Variants in B4GALNT3 observed in about 807,000 individuals in gnomAD.
B4GALNT3 encodes the protein beta-1,4-N-acetyl-galactosaminyltransferase 3, also known as beta-1,4-N-acetylgalactosaminyltransferase 3.
In B4GALNT3, 86 loss-of-function variants were observed where a neutral mutation model predicts 120.2. The ratio of observed to expected loss-of-function variants is 0.72; its 90% CI spans 0.60 to 0.86. The LOEUF is 0.86. Ranked by LOEUF, B4GALNT3 falls within the 40% of genes least tolerant of loss-of-function variation. The probability of loss-of-function intolerance (pLI) is 0.00; values close to 1 mark genes in which losing one functional copy is unlikely to be tolerated. For synonymous variants in B4GALNT3, 518 were observed against 510.4 expected, an observed-to-expected ratio of 1.01 and a Z score of -0.20; for missense variants, 1,167 against 1,298.9, an observed-to-expected ratio of 0.90 and a Z score of 1.56.
intron 1 of B4GALNT3, among the ~76,000 whole-genome samples, chr12:495,984 A>T (rs941808917): frequency 7.2e-5 from 11 of 152,330 alleles, no homozygotes; most frequent in African/African-American, 2.6e-4. Context: ...ATAAAAGCAG[A>T]TTCACATCAT....
At chr12:469,802 ATTAT>A (rs1179090679) in intron 1 of B4GALNT3, among the ~76,000 whole-genome samples, 1 of 152,128 alleles carries the variant, frequency 6.6e-6, no homozygotes, top group Non-Finnish European at 1.5e-5. Flanking sequence ...CAGTTATCTC[ATTAT>A]TTATTTATTT....
intron 1 of B4GALNT3, among the ~76,000 whole-genome samples, chr12:526,343 G>C (rs1470598169): frequency 6.6e-6 from 1 of 152,188 alleles, no homozygotes; most frequent in Admixed American, 6.5e-5. Flanking sequence ...AAAGACTCCA[G>C]GGAGGAAAAG....
At chr12:487,882 C>G (rs1326119892) in intron 1 of B4GALNT3, among the ~76,000 whole-genome samples, 2 of 152,256 alleles carry the variant, frequency 1.3e-5, no homozygotes, top group Non-Finnish European at 2.9e-5. Flanking sequence ...GCCCAGGAGG[C>G]TGAGGCTGCA....
intron 3 of B4GALNT3, among the ~76,000 whole-genome samples, chr12:542,254 G>T (rs532781894): frequency 6.6e-6 from 1 of 152,084 alleles, no homozygotes; most frequent in African/African-American, 2.4e-5. Flanking sequence ...CGTCTTTCTG[G>T]ATCCAGCATT....
At chr12:477,294 A>G (rs1241449979) in intron 1 of B4GALNT3, among the ~76,000 whole-genome samples, 4 of 152,160 alleles carry the variant, frequency 2.6e-5, no homozygotes. Context: ...GTGCCTGCAT[A>G]TAGACCAACC....
At chr12:510,465 G>A (rs1946536471) in intron 1 of B4GALNT3, among the ~76,000 whole-genome samples, 1 of 113,364 alleles carries the variant, frequency 8.8e-6, no homozygotes, top group African/African-American at 2.9e-5. Flanking sequence ...GACGCTGGGG[G>A]GCTGGTCAGG....
intron 15 of B4GALNT3, 82 bp from the exon 16 acceptor site, chr12:557,526 C>T (rs1191998011): frequency 4.8e-6 from 7 of 1,468,878 alleles, no homozygotes; most frequent in Non-Finnish European, 6.5e-6. Context: ...CCTGACTCAC[C>T]TGGGAGCTGG....
At chr12:532,950 C>T (rs1397532006) in intron 1 of B4GALNT3, among the ~76,000 whole-genome samples, 10 of 152,206 alleles carry the variant, frequency 6.6e-5, no homozygotes, top group Admixed American at 6.5e-4. Context: ...ACCTGAGACG[C>T]ACTGTAACTC....
Position 548,133 on chromosome 12 carries a change from G to C in B4GALNT3, c.786+31G>C, listed in dbSNP as rs770754675. On this transcript the variant is annotated intron_variant, in intron 8 of 19. Coordinates refer to ENST00000266383, the MANE Select transcript of B4GALNT3 (RefSeq NM_173593.4). The surrounding 1 kb of genome is among the most constrained non-coding windows in gnomAD (Gnocchi z 4.9). ...TTTCCTGCTGCTCCCGCCTCTCCCA[G>C]CTCAGTTCCTGGCACTCATCTCCCC... 5.0e-6 allele frequency: 8 copies of C among 1,611,616 alleles called. No individual in the cohort carries two copies. In the African/African-American group the frequency reaches 5.3e-5, roughly 11 times the overall value.
rs900931154 is a variant in B4GALNT3 at position 559,516 on chromosome 12, C to T, written c.2888+95C>T. On this transcript the variant is annotated intron_variant, in intron 19 of 19. Transcript: ENST00000266383. ...ACAGCAGCCTAGCTGTCCCCCTCGG[C>T]CGCAGAGTCCCAAAGCACAGTAAAG... The T allele has an allele frequency of 1.9e-6, 3 of 1,542,374 alleles. No homozygotes were observed. In the African/African-American group the frequency reaches 4.1e-5, roughly 21 times the overall value.
At chr12:555,494 CAT>C (rs1947141614) in intron 14 of B4GALNT3, 1 of 398,200 alleles carries the variant, frequency 2.5e-6, no homozygotes, top group Admixed American at 2.9e-5. Context: ...CGTTGAAGGA[CAT>C]GTGGGTTGTT....
At chr12:558,481 G>T in intron 17 of B4GALNT3, 27 bp from the exon 18 acceptor site, 1 of 1,610,294 alleles carries the variant, frequency 6.2e-7, no homozygotes, top group South Asian at 1.1e-5. Context: ...TGCAGGGTCT[G>T]CTGACCCTGC....
chr12:512,547 A>G (rs1417647865), intron 1 of B4GALNT3, among the ~76,000 whole-genome samples: 7 of 82,924 alleles, frequency 8.4e-5, no homozygotes, highest in African/African-American at 3.4e-4. Flanking sequence ...TCAACCTTCC[A>G]CCTTCGACCT....
At chr12:515,242 G>A (rs1350357132) in intron 1 of B4GALNT3, among the ~76,000 whole-genome samples, 2 of 152,160 alleles carry the variant, frequency 1.3e-5, no homozygotes, top group Non-Finnish European at 2.9e-5. Flanking sequence ...CTGGAGTGCA[G>A]TGGCGCAATC....
intron 1 of B4GALNT3, 29 bp from the exon 2 acceptor site, chr12:535,137 C>T: frequency 6.3e-7 from 1 of 1,591,364 alleles, no homozygotes. Flanking sequence ...TTACGCTGAC[C>T]TGAGGGCTCC....
In B4GALNT3 at chr12:556,697, C is replaced by T. The variant is rs377113416; in HGVS notation, c.2211C>T (p.Ile737=). ...TGTCTGCACGAGGCTGGCAGGGCAT[C>T]GATCCAGCTGGTGGGGAGGAGGTCG... is the stretch of plus-strand genomic sequence containing the variant. ...EYVSARGWQG[I]DPAGGEEVEA... Residue 737 remains isoleucine (I), a synonymous_variant, in exon 15 of 20, where the codon ATC becomes ATT. Transcript: ENST00000266383. The T allele has an allele frequency of 2.5e-5, 40 of 1,613,780 alleles. No homozygotes were observed. The highest frequency in any genetic ancestry group is 1.6e-4 in the South Asian group (15 of 91,076).
At chr12:518,769 T>A (rs1397074012) in intron 1 of B4GALNT3, among the ~76,000 whole-genome samples, 1 of 152,266 alleles carries the variant, frequency 6.6e-6, no homozygotes, top group East Asian at 1.9e-4. Flanking sequence ...CATTTGCAGT[T>A]ACATAGCATT....
intron 1 of B4GALNT3, among the ~76,000 whole-genome samples, chr12:517,866 G>T (rs1381510159): frequency 6.6e-6 from 1 of 152,170 alleles, no homozygotes; most frequent in African/African-American, 2.4e-5. Context: ...CTCACCAGTG[G>T]GGCTCCACAA....
At chr12:492,503 A>G (rs1946352055) in intron 1 of B4GALNT3, among the ~76,000 whole-genome samples, 1 of 152,260 alleles carries the variant, frequency 6.6e-6, no homozygotes, top group South Asian at 2.1e-4. Context: ...ATGTTCATGA[A>G]CAGGAAGAAT....
Sources: allele counts gnomAD v4.1 joint callset (sites outside exome capture counted in the v4.1 genomes callset), GRCh38; gene constraint gnomAD v4.1.1; non-coding constraint Gnocchi (gnomAD v3.1); transcripts MANE v1.5; gene names NCBI Gene and HGNC (gene_info 2026-07-23, HGNC 2026-07-21).